Variants in SKOR2 observed in about 807,000 individuals in gnomAD.
SKOR2 encodes the protein LBX1 corepressor 1-like protein.
SKOR2 carries 47 observed loss-of-function variants against 69.1 expected under a neutral mutation model. The observed-to-expected ratio is 0.68, with a 90% CI of 0.54 to 0.87. SKOR2 has a LOEUF of 0.87. SKOR2 is among the 40% of genes least tolerant of loss of function. The probability of loss-of-function intolerance (pLI) is 0.00; values close to 1 mark genes in which losing one functional copy is unlikely to be tolerated. For synonymous variants in SKOR2, 717 were observed against 672.6 expected, an observed-to-expected ratio of 1.07 and a Z score of -1.02; for missense variants, 1,404 against 1,472.2, an observed-to-expected ratio of 0.95 and a Z score of 0.76.
intron 4 of SKOR2, among the ~76,000 whole-genome samples, chr18:47,240,261 T>A (rs2064243097): frequency 6.6e-6 from 1 of 152,222 alleles, no homozygotes; most frequent in Non-Finnish European, 1.5e-5. Context: ...CCTGATTTCC[T>A]TGACCTGCAA....
chr18:47,245,902 G>A (rs999856128), intron 2 of SKOR2, among the ~76,000 whole-genome samples: 27 of 152,120 alleles, frequency 1.8e-4, no homozygotes, highest in African/African-American at 6.0e-4. Flanking sequence ...GTCCTCCAGA[G>A]TGTTTTCTGT....
Position 47,247,776 on chromosome 18 carries a change from A to T in SKOR2, c.1408T>A (p.Phe470Ile). 1 of 1,392,618 alleles carries T rather than the reference A, an allele frequency of 7.2e-7. No homozygotes were observed. The highest frequency in any genetic ancestry group is 9.2e-7 in the Non-Finnish European group (1 of 1,081,502). 86.3% of individuals were successfully genotyped at this position (1,392,618 alleles called of 1,614,324 possible). A position where few individuals can be genotyped will look rare whatever the true frequency, so the allele number is the denominator to read the frequency against. ...KDAFYPPFCM[F>I]WPPRTPGGLP... ...CCGCCAGGGGTCCGCGGCGGCCAGA[A>T]CATGCAGAAGGGCGGATAGAAGGCG... The change falls in exon 2 of 9, where the codon TTC (phenylalanine) becomes ATC (isoleucine). Residue 470 changes from phenylalanine to isoleucine, a missense_variant. By Grantham distance (21) the Phe-to-Ile change is conservative (BLOSUM62 0). This residue lies in a region of SKOR2 where 1,266 missense variants were observed against 1,309.9 expected (regional missense o/e 0.97). Coordinates refer to ENST00000425639, the MANE Select transcript of SKOR2 (RefSeq NM_001278063.4). The surrounding 1 kb of genome is among the most constrained non-coding windows in gnomAD (Gnocchi z 6.6).
intron 8 of SKOR2, among the ~76,000 whole-genome samples, chr18:47,208,386 A>G (rs1369958360): frequency 6.6e-6 from 1 of 152,220 alleles, no homozygotes; most frequent in Admixed American, 6.5e-5. Context: ...TTAGTGCTCA[A>G]TAAATGATCA....
chr18:47,242,157 A>G (rs2064251949), intron 4 of SKOR2, among the ~76,000 whole-genome samples: 1 of 152,178 alleles, frequency 6.6e-6, no homozygotes, highest in Non-Finnish European at 1.5e-5. Context: ...TACTAGGTCA[A>G]TAAGCATGGG....
intron 8 of SKOR2, among the ~76,000 whole-genome samples, chr18:47,208,805 A>T (rs1171705656): frequency 6.6e-6 from 1 of 152,212 alleles, no homozygotes; most frequent in Non-Finnish European, 1.5e-5. Context: ...TCATGAGCTT[A>T]TAATGAGACA....
chr18:47,241,358 T>C, intron 4 of SKOR2, among the ~76,000 whole-genome samples: 1 of 152,222 alleles, frequency 6.6e-6, no homozygotes, highest in Non-Finnish European at 1.5e-5. Context: ...ATAATCTCTT[T>C]GGCTCATCTG....
intron 6 of SKOR2, among the ~76,000 whole-genome samples, chr18:47,227,651 C>A (rs2064183429): frequency 6.6e-6 from 1 of 152,118 alleles, no homozygotes; most frequent in African/African-American, 2.4e-5. Flanking sequence ...AATTTGGACC[C>A]AAGTTTAGAA....
intron 6 of SKOR2, among the ~76,000 whole-genome samples, chr18:47,227,201 C>T (rs1034506585): frequency 2.6e-5 from 4 of 151,850 alleles, no homozygotes; most frequent in African/African-American, 9.7e-5. Flanking sequence ...TCCTTTTTCC[C>T]TCTACCCTTC....
In SKOR2 at chr18:47,247,144, G is replaced by T. The variant is rs2064280814; in HGVS notation, c.2040C>A (p.Pro680=). 1.6e-6 allele frequency: 2 copies of T among 1,279,430 alleles called. No homozygotes were observed. Among genetic ancestry groups the T allele is most frequent in the East Asian group, 6.2e-5 (2 of 32,082 alleles). 79.3% of individuals were successfully genotyped at this position (1,279,430 alleles called of 1,614,324 possible). A position where few individuals can be genotyped will look rare whatever the true frequency, so the allele number is the denominator to read the frequency against. Residue 680 remains proline, a synonymous_variant, in exon 2 of 9, where the codon CCC becomes CCA. Transcript: ENST00000425639. This position sits in a 1 kb window ranked among gnomAD's most constrained non-coding sequence, Gnocchi z 6.6. Reference sequence around the variant, plus strand: ...CGGAACCCGGCTCGTCGGGCTGCGGGGGCAGCAGCAGAAGCGGCGACGGCG... The same window carrying T: ...CGGAACCCGGCTCGTCGGGCTGCGGTGGCAGCAGCAGAAGCGGCGACGGCG... The part of the protein sequence containing the change: ...PQPPSPLLLL[P]PQPDEPGSER...
At position 47,248,385 on chromosome 18, in the gene SKOR2, C is replaced by G; in HGVS notation, c.799G>C (p.Ala267Pro). 1.5e-6 allele frequency: 2 copies of G among 1,304,836 alleles called. No homozygotes were observed. The highest frequency in any genetic ancestry group is 1.9e-6 in the Non-Finnish European group (2 of 1,036,126). 80.8% of individuals were successfully genotyped at this position (1,304,836 alleles called of 1,614,324 possible). Residue 267 changes from alanine to proline, a missense_variant, in exon 2 of 9, where the codon GCG becomes CCG. Ala to Pro is a conservative substitution (Grantham distance 27). This residue lies in a region of SKOR2 where 1,266 missense variants were observed against 1,309.9 expected (regional missense o/e 0.97). Coordinates refer to ENST00000425639, the MANE Select transcript of SKOR2 (RefSeq NM_001278063.4). The surrounding 1 kb of genome is among the most constrained non-coding windows in gnomAD (Gnocchi z 6.4). Reference sequence around the variant, plus strand: ...CCCCCGCCTCCGGCCACCGCGGCCGCGGCGGCCACGGCGGCCGCCTTCACA... The same window carrying G: ...CCCCCGCCTCCGGCCACCGCGGCCGGGGCGGCCACGGCGGCCGCCTTCACA... ...SSVKAAAVAA[A>P]AAVAGGGGLL... is the part of the protein sequence containing the mutation.
At chr18:47,218,479 A>G (rs183216110) in intron 7 of SKOR2, among the ~76,000 whole-genome samples, 77 of 148,844 alleles carry the variant, frequency 5.2e-4, no homozygotes, top group African/African-American at 1.7e-3. Flanking sequence ...AGTTCCAGCT[A>G]TTTGGGAGGC....
chr18:47,230,494 T>G lies in SKOR2; in HGVS notation c.2882A>C (p.Gln961Pro). ...GAAAGATGTGTTTCCTTTTAACACC[T>G]GGAATTCTTGTTCCAGTCGTCTCCG... The part of the protein sequence containing the change: ...DLRRRLEQEF[Q>P]VLKGNTSFPV... The change falls in exon 6 of 9, where the codon CAG (glutamine) becomes CCG (proline). Residue 961 changes from glutamine (Q) to proline (P), a missense_variant. By Grantham distance (76) the Gln-to-Pro change is moderately conservative (BLOSUM62 -1). Coordinates refer to ENST00000425639, the MANE Select transcript of SKOR2 (RefSeq NM_001278063.4). The G allele has an allele frequency of 6.9e-7, 1 of 1,453,392 alleles. No individual in the cohort carries two copies. Among genetic ancestry groups the G allele is most frequent in the African/African-American group, 1.4e-5 (1 of 70,062 alleles). 90.0% of individuals were successfully genotyped at this position (1,453,392 alleles called of 1,614,324 possible).
Position 47,247,426 on chromosome 18 carries a change from C to G in SKOR2, c.1758G>C (p.Gly586=), listed in dbSNP as rs1268938957. ...PADSVAAAGA[G]AAAAGSGPAG... is the part of the protein sequence containing the mutation. ...CGGGGCCAGACCCGGCGGCCGCGGC[C>G]CCTGCCCCGGCAGCTGCCACAGAGT... Residue 586 remains glycine, a synonymous_variant, in exon 2 of 9, where the codon GGG becomes GGC. Transcript: ENST00000425639. This position sits in a 1 kb window ranked among gnomAD's most constrained non-coding sequence, Gnocchi z 6.6. The G allele has an allele frequency of 7.8e-7, 1 of 1,287,394 alleles. No homozygotes were observed. The highest frequency in any genetic ancestry group is 9.8e-7 in the Non-Finnish European group (1 of 1,019,876). 79.7% of individuals were successfully genotyped at this position (1,287,394 alleles called of 1,614,324 possible).
chr18:47,230,677 T>C (rs948042795), intron 5 of SKOR2, 120 bp from the exon 6 acceptor site: 2 of 692,290 alleles, frequency 2.9e-6, no homozygotes, highest in Non-Finnish European at 4.4e-6. Context: ...AAGTGTTGCA[T>C]AGACATAGGA....
chr18:47,242,398 A>T (rs959350532), intron 4 of SKOR2, among the ~76,000 whole-genome samples: 7 of 149,560 alleles, frequency 4.7e-5, no homozygotes, highest in African/African-American at 1.0e-4. Context: ...AAAACTTCTT[A>T]AAAAAATTAT....
chr18:47,241,187 C>T (rs80084759), intron 4 of SKOR2, among the ~76,000 whole-genome samples: 3,825 of 152,204 alleles, frequency 0.025, 94 homozygotes, highest in Non-Finnish European at 0.031. Flanking sequence ...ATACAGTAGG[C>T]ATTCAAAGAT....
Position 47,247,835 on chromosome 18 carries a change from A to G in SKOR2, c.1349T>C (p.Leu450Ser). The G allele has an allele frequency of 2.2e-6, 3 of 1,377,600 alleles. No individual in the cohort carries two copies. In the South Asian group the frequency reaches 5.0e-5, roughly 23 times the overall value. 85.3% of individuals were successfully genotyped at this position (1,377,600 alleles called of 1,614,324 possible). The change falls in exon 2 of 9, where the codon TTG becomes TCG. Residue 450 changes from leucine (L) to serine (S), a missense_variant. Physicochemically the swap from Leu to Ser is moderately radical, Grantham distance 145. Coordinates refer to ENST00000425639, the MANE Select transcript of SKOR2 (RefSeq NM_001278063.4). This position sits in a 1 kb window ranked among gnomAD's most constrained non-coding sequence, Gnocchi z 6.6. The stretch of plus-strand genomic sequence containing the variant: ...GCCCGCGGGCCAGAAGAGGCCGGAC[A>G]AGCCGGCCTTGGGCGCCGCGCCCGC... ...GGAGAAPKAGLSGLFWPAGRK... is the reference protein window; with the variant it reads ...GGAGAAPKAGSSGLFWPAGRK...
At chr18:47,231,089 C>T in intron 4 of SKOR2, 89 bp from the exon 5 acceptor site, 5 of 1,535,494 alleles carry the variant, frequency 3.3e-6, no homozygotes, top group Non-Finnish European at 4.4e-6. Context: ...ATCTGCAAAA[C>T]AGTTTATTTA....
At position 47,248,081 on chromosome 18, in the gene SKOR2, G is replaced by A; in HGVS notation, c.1103C>T (p.Ala368Val). 6 of 1,376,020 alleles carry A rather than the reference G, an allele frequency of 4.4e-6. No individual in the cohort carries two copies. The highest frequency in any genetic ancestry group is 3.3e-5 in the South Asian group (2 of 60,036). 85.2% of individuals were successfully genotyped at this position (1,376,020 alleles called of 1,614,324 possible). ...GCCTTTGGCCCCTGCCCCGGCACCC[G>A]CCCCCGCGCCCGCGCCCACGCCCAC... ...AGVGVGAGAG[A>V]GAGAGAKGPR... is the part of the protein sequence containing the mutation. Residue 368 changes from alanine to valine, a missense_variant, in exon 2 of 9, where the codon GCG (alanine) becomes GTG (valine). Physicochemically the swap from Ala to Val is moderately conservative, Grantham distance 64. This residue lies in a region of SKOR2 where 1,266 missense variants were observed against 1,309.9 expected (regional missense o/e 0.97). Transcript: ENST00000425639. The surrounding 1 kb of genome is among the most constrained non-coding windows in gnomAD (Gnocchi z 6.4).
Sources: gnomAD v4.1 joint callset for allele counts (sites outside exome capture counted in the v4.1 genomes callset) on GRCh38, gnomAD v4.1.1 for gene constraint, gnomAD v4.1.1 regional missense constraint, Gnocchi (gnomAD v3.1) non-coding constraint, MANE v1.5 for transcripts, NCBI Gene and HGNC (gene_info 2026-07-23, HGNC 2026-07-21) for gene names.